Variants in ANKRD13C observed in about 807,000 individuals in gnomAD.
The protein encoded by ANKRD13C is ankyrin repeat domain-containing protein 13C.
ANKRD13C carries 16 observed loss-of-function variants against 65.5 expected under a neutral mutation model. The ratio of observed to expected loss-of-function variants is 0.24; its 90% CI spans 0.17 to 0.37. The LOEUF (loss-of-function observed/expected upper bound fraction) is 0.37. Among genes scored for constraint, ANKRD13C ranks in the 10% least tolerant of loss-of-function variants. The pLI, the probability that ANKRD13C is intolerant of heterozygous loss-of-function variation, is 1.00. For missense variants in ANKRD13C, 503 were observed against 655.9 expected, an observed-to-expected ratio of 0.77 and a Z score of 2.55; for synonymous variants, 235 against 238.7, an observed-to-expected ratio of 0.98 and a Z score of 0.14.
intron 2 of ANKRD13C, among the ~76,000 whole-genome samples, chr1:70,335,274 C>G (rs951108283): frequency 6.6e-6 from 1 of 151,442 alleles, no homozygotes. Flanking sequence ...GGCGTGGTGG[C>G]ATGAGCCTGT....
At chr1:70,317,041 T>C (rs527808791) in intron 3 of ANKRD13C, among the ~76,000 whole-genome samples, 1 of 132,320 alleles carries the variant, frequency 7.6e-6, no homozygotes, top group African/African-American at 2.9e-5. Flanking sequence ...AAAAAGAAGG[T>C]AGTGAAAGCT....
intron 9 of ANKRD13C, among the ~76,000 whole-genome samples, chr1:70,289,285 C>T (rs928436533): frequency 6.6e-6 from 1 of 152,102 alleles, no homozygotes; most frequent in Non-Finnish European, 1.5e-5. Flanking sequence ...TACTTAAAGA[C>T]CTCTTTAACT....
intron 1 of ANKRD13C, 32 bp from the exon 2 acceptor site, chr1:70,336,131 G>A: frequency 1.6e-6 from 1 of 618,562 alleles, no homozygotes. Flanking sequence ...AAATAAATTA[G>A]AAGGTGTAAA....
At chr1:70,307,236 A>G (rs1309443181) in intron 5 of ANKRD13C, among the ~76,000 whole-genome samples, 1 of 152,166 alleles carries the variant, frequency 6.6e-6, no homozygotes, top group Non-Finnish European at 1.5e-5. Context: ...ATTAACATTA[A>G]AGATAAATAC....
intron 12 of ANKRD13C, among the ~76,000 whole-genome samples, chr1:70,266,714 G>A (rs189990711): frequency 1.0e-3 from 155 of 152,218 alleles, no homozygotes; most frequent in African/African-American, 3.7e-3. Flanking sequence ...TTAGAAGAGT[G>A]CTCTTTAAGT....
At chr1:70,278,309 A>G (rs1380489725) in intron 9 of ANKRD13C, among the ~76,000 whole-genome samples, 2 of 152,046 alleles carry the variant, frequency 1.3e-5, no homozygotes, top group East Asian at 1.9e-4. Flanking sequence ...CCTGGCCTAT[A>G]TGGTGAAACC....
In ANKRD13C at chr1:70,353,832, T is replaced by TACTG. The variant is rs553895443; in HGVS notation, c.430+143_430+146dup. The TACTG allele has an allele frequency of 5.9e-4, 663 of 1,122,280 alleles. 2 individuals carry two copies. The highest frequency in any genetic ancestry group is 1.8e-3 in the Admixed American group (55 of 30,954). 69.5% of individuals were successfully genotyped at this position (1,122,280 alleles called of 1,614,324 possible). Reference sequence around the variant, plus strand: ...AACCCCTTGACCACTGGCACGCTATTACTGAGTCGATCATGATTTACCGAA... The same window carrying TACTG: ...AACCCCTTGACCACTGGCACGCTATTACTGACTGAGTCGATCATGATTTACCGAA... On this transcript the variant is annotated intron_variant, in intron 1 of 12. Coordinates refer to ENST00000370944, the MANE Select transcript of ANKRD13C (RefSeq NM_030816.5).
At chr1:70,277,281 C>A (rs1218062420) in intron 9 of ANKRD13C, among the ~76,000 whole-genome samples, 1 of 151,958 alleles carries the variant, frequency 6.6e-6, no homozygotes, top group Non-Finnish European at 1.5e-5. Context: ...GATGGTGAAA[C>A]CCCGTCTTTA....
intron 3 of ANKRD13C, among the ~76,000 whole-genome samples, chr1:70,322,826 A>G (rs973987338): frequency 1.3e-5 from 2 of 152,002 alleles, no homozygotes; most frequent in Non-Finnish European, 2.9e-5. Context: ...AACCCCAACT[A>G]TACTAAAACT....
Position 70,274,486 on chromosome 1 carries a change from AAAAAAAAAAAG to A in ANKRD13C, c.1394+223_1394+233del, listed in dbSNP as rs1323600155. ...AAGACTCCATCTCAAAAAAAAAAAA[AAAAAAAAAAAG>A]AAAGAAAGAAAATCTACTCAAAAAT... On this transcript the variant is annotated intron_variant, in intron 11 of 12. Coordinates refer to ENST00000370944, the MANE Select transcript of ANKRD13C (RefSeq NM_030816.5). 1.9e-3 allele frequency among the ~76,000 whole-genome samples: 285 copies of A among 150,656 alleles called. 1 individual carries two copies. Among genetic ancestry groups the A allele is most frequent in the African/African-American group, 6.7e-3 (276 of 41,142 alleles).
intron 8 of ANKRD13C, chr1:70,293,669 A>G (rs1679955670): frequency 2.4e-6 from 1 of 410,944 alleles, no homozygotes; most frequent in South Asian, 1.0e-4. Flanking sequence ...AAGCCAACAA[A>G]TGGACTGCAA....
chr1:70,339,810 C>T (rs986287138), intron 1 of ANKRD13C, among the ~76,000 whole-genome samples: 3 of 132,614 alleles, frequency 2.3e-5, no homozygotes, highest in Admixed American at 8.4e-5. Context: ...TTGATCAGTA[C>T]GTTTATTATT....
intron 2 of ANKRD13C, among the ~76,000 whole-genome samples, chr1:70,325,714 TA>T (rs1430485574): frequency 1.3e-5 from 2 of 151,426 alleles, no homozygotes; most frequent in Non-Finnish European, 2.9e-5. Context: ...CCGTCTCTAC[TA>T]AAAAATAAAA....
At chr1:70,276,518 G>A (rs1389257317) in intron 10 of ANKRD13C, among the ~76,000 whole-genome samples, 2 of 152,066 alleles carry the variant, frequency 1.3e-5, no homozygotes, top group Admixed American at 6.6e-5. Context: ...TAGTTTTTTA[G>A]GTGTGTATAA....
At chr1:70,272,735 T>C (rs1195217900) in intron 11 of ANKRD13C, among the ~76,000 whole-genome samples, 1 of 151,968 alleles carries the variant, frequency 6.6e-6, no homozygotes, top group Non-Finnish European at 1.5e-5. Context: ...ACATCTGTAA[T>C]CCCAGCACTT....
At chr1:70,331,156 G>GA (rs932202899) in intron 2 of ANKRD13C, among the ~76,000 whole-genome samples, 2 of 152,210 alleles carry the variant, frequency 1.3e-5, no homozygotes, top group African/African-American at 4.8e-5. Flanking sequence ...TACAGAAACA[G>GA]AACGTGCCCT....
intron 9 of ANKRD13C, among the ~76,000 whole-genome samples, chr1:70,291,966 A>T (rs1474449547): frequency 6.6e-6 from 1 of 151,866 alleles, no homozygotes; most frequent in African/African-American, 2.4e-5. Context: ...TAAAAATACA[A>T]AAATTAGCCA....
At chr1:70,339,716 CTAA>C (rs1172809756) in intron 1 of ANKRD13C, among the ~76,000 whole-genome samples, 1 of 151,840 alleles carries the variant, frequency 6.6e-6, no homozygotes, top group Non-Finnish European at 1.5e-5. Flanking sequence ...AAAATATCCG[CTAA>C]TGATATACGA....
At chr1:70,346,829 C>T (rs191571716) in intron 1 of ANKRD13C, among the ~76,000 whole-genome samples, 3 of 152,248 alleles carry the variant, frequency 2.0e-5, no homozygotes, top group South Asian at 2.1e-4. Context: ...CGGTGGCTCA[C>T]GCCTGTAATC....
Sources: allele counts gnomAD v4.1 joint callset (sites outside exome capture counted in the v4.1 genomes callset), GRCh38; gene constraint gnomAD v4.1.1; transcripts MANE v1.5; gene names NCBI Gene and HGNC (gene_info 2026-07-23, HGNC 2026-07-21).